Variants in MRTFB observed in about 807,000 individuals in gnomAD.
MRTFB encodes the protein myocardin-related transcription factor B.
A neutral mutation model predicts 104.2 loss-of-function variants in MRTFB; 29 were observed. The observed-to-expected ratio is 0.28, with a 90% confidence interval of 0.21 to 0.38. MRTFB has a LOEUF of 0.38. MRTFB is among the 10% of genes least tolerant of loss of function. The probability of loss-of-function intolerance (pLI) is 1.00; values close to 1 mark genes in which losing one functional copy is unlikely to be tolerated. For missense variants in MRTFB, 1,270 were observed against 1,341.6 expected, an observed-to-expected ratio of 0.95 and a Z score of 0.83; for synonymous variants, 535 against 519.5, an observed-to-expected ratio of 1.03 and a Z score of -0.41.
At chr16:14,221,726 C>T (rs1215092377) in intron 8 of MRTFB, among the ~76,000 whole-genome samples, 2 of 150,970 alleles carry the variant, frequency 1.3e-5, no homozygotes, top group Non-Finnish European at 2.9e-5. Context: ...TTGACCAGTC[C>T]TCGAATTGGC....
chr16:14,216,470 G>A (rs2041430832), intron 6 of MRTFB, among the ~76,000 whole-genome samples: 1 of 152,128 alleles, frequency 6.6e-6, no homozygotes, highest in Non-Finnish European at 1.5e-5. Flanking sequence ...GGTATTTATA[G>A]TTTTACATTG....
At chr16:14,059,299 T>A in the MRTFB span, among the ~76,000 whole-genome samples, 22 of 152,094 alleles carry the variant, frequency 1.4e-4, no homozygotes, top group African/African-American at 5.1e-4. Context: ...CACCATACAG[T>A]ACTACAGAAG....
At chr16:14,022,570 T>C in the MRTFB span, among the ~76,000 whole-genome samples, 1 of 152,048 alleles carries the variant, frequency 6.6e-6, no homozygotes, top group Non-Finnish European at 1.5e-5. Flanking sequence ...CTAATTTTTG[T>C]ATTTTTAGTA....
chr16:14,118,142 C>CTT (rs200411394), intron 2 of MRTFB, among the ~76,000 whole-genome samples: 65 of 109,722 alleles, frequency 5.9e-4, no homozygotes, highest in African/African-American at 1.7e-3. Flanking sequence ...TTTTCTTTTT[C>CTT]TTTTTTTTTT....
At chr16:14,194,068 C>G (rs117745148) in intron 3 of MRTFB, among the ~76,000 whole-genome samples, 1 of 152,278 alleles carries the variant, frequency 6.6e-6, no homozygotes, top group Non-Finnish European at 1.5e-5. Flanking sequence ...AGTATAGATA[C>G]GTTTGAAACA....
chr16:14,160,236 AT>A (rs60561825), intron 3 of MRTFB, among the ~76,000 whole-genome samples: 23 of 151,908 alleles, frequency 1.5e-4, no homozygotes, highest in African/African-American at 4.6e-4. Flanking sequence ...ACCTTTAAAA[AT>A]TTTTTTTCAT....
At chr16:14,060,897 A>G in the MRTFB span, among the ~76,000 whole-genome samples, 1 of 152,116 alleles carries the variant, frequency 6.6e-6, no homozygotes, top group Non-Finnish European at 1.5e-5. Context: ...CTGTAATCCC[A>G]GCACTTTGGG....
In MRTFB at chr16:14,212,560, T is replaced by A. The variant is rs756701796; in HGVS notation, c.276+151T>A. On this transcript the variant is annotated intron_variant, in intron 5 of 16. Transcript: ENST00000571589. Reference sequence around the variant, plus strand: ...GATACATGGCATAGAGAATATTTACTCTGGGATAGTTTGATCTGGAGGTTT... The same window carrying A: ...GATACATGGCATAGAGAATATTTACACTGGGATAGTTTGATCTGGAGGTTT... 19 of 726,908 alleles carry A rather than the reference T, an allele frequency of 2.6e-5. No homozygotes were observed. The East Asian group carries it at 5.2e-4, about 20-fold the overall frequency. The allele number at this position is 726,908 out of a possible 1,614,324, so 45.0% of individuals were successfully genotyped here.
intron 3 of MRTFB, chr16:14,142,841 A>C (rs1400932343): frequency 1.3e-5 from 2 of 152,220 alleles, no homozygotes; most frequent in African/African-American, 2.4e-5. Flanking sequence ...TAAGGTGGCA[A>C]GCCCAAATAT....
At position 14,261,582 on chromosome 16, in the gene MRTFB, T is replaced by C. The variant is rs1317471224; in HGVS notation, c.*138T>C. 1.1e-6 allele frequency: 1 copy of C among 891,362 alleles called. No homozygotes were observed. The highest frequency in any genetic ancestry group is 2.6e-5 in the East Asian group (1 of 38,426). 55.2% of individuals were successfully genotyped at this position (891,362 alleles called of 1,614,324 possible). On this transcript the variant is annotated 3_prime_UTR_variant, in exon 17 of 17. Coordinates refer to ENST00000571589, the MANE Select transcript of MRTFB (RefSeq NM_001308142.2). ...CACAGAAAGAATAGGTGGAAGGTCA[T>C]AGCCTGGAACCCAAGTTTGAAAACA...
chr16:14,189,161 T>C (rs990990866), intron 3 of MRTFB, among the ~76,000 whole-genome samples: 1 of 152,198 alleles, frequency 6.6e-6, no homozygotes, highest in Non-Finnish European at 1.5e-5. Flanking sequence ...TTGAAAGGAT[T>C]AGATCTGGAT....
At chr16:14,231,274 A>G (rs2042251328) in intron 8 of MRTFB, among the ~76,000 whole-genome samples, 1 of 150,292 alleles carries the variant, frequency 6.7e-6, no homozygotes, top group Non-Finnish European at 1.5e-5. Flanking sequence ...CCTAAAACTT[A>G]AAGTATAATA....
the MRTFB span, among the ~76,000 whole-genome samples, chr16:14,008,809 A>G: frequency 1.5e-3 from 233 of 152,316 alleles, 1 homozygote; most frequent in African/African-American, 5.4e-3. Flanking sequence ...ATCTATAAAC[A>G]TGGGATGTCT....
the MRTFB span, among the ~76,000 whole-genome samples, chr16:14,062,417 T>G: frequency 6.6e-6 from 1 of 152,206 alleles, no homozygotes. Context: ...TTTTGGCATC[T>G]GTGCCATGCA....
the MRTFB span, among the ~76,000 whole-genome samples, chr16:14,044,907 T>C: frequency 6.6e-6 from 1 of 152,092 alleles, no homozygotes; most frequent in Non-Finnish European, 1.5e-5. Context: ...AGTTGCTGGG[T>C]CTACAACTGG....
intron 3 of MRTFB, among the ~76,000 whole-genome samples, chr16:14,165,656 C>G (rs955010817): frequency 6.6e-6 from 1 of 152,174 alleles, no homozygotes; most frequent in Admixed American, 6.5e-5. Flanking sequence ...TCCCCTTTCC[C>G]CATCTCATCC....
rs2041228152 is a variant in MRTFB at position 14,212,341 on chromosome 16, T to C, written c.221-13T>C. On this transcript the variant is annotated splice_polypyrimidine_tract_variant and intron_variant, in intron 4 of 16. Coordinates refer to ENST00000571589, the MANE Select transcript of MRTFB (RefSeq NM_001308142.2). ...CTCTATTTATACTGTGGAAACCATT[T>C]CTTTTCTCACAGCTTTGAAGAGCCC... 3.7e-6 allele frequency: 6 copies of C among 1,613,764 alleles called. No homozygotes were observed. The highest frequency in any genetic ancestry group is 1.7e-4 in the Middle Eastern group (1 of 6,056).
chr16:14,089,460 A>G (rs1026147526), intron 2 of MRTFB, among the ~76,000 whole-genome samples: 3 of 152,148 alleles, frequency 2.0e-5, no homozygotes, highest in African/African-American at 7.2e-5. Context: ...TCAGAACTTC[A>G]TTCCTTTTTA....
At chr16:14,124,406 A>G (rs186000759) in intron 2 of MRTFB, among the ~76,000 whole-genome samples, 215 of 152,308 alleles carry the variant, frequency 1.4e-3, no homozygotes, top group Admixed American at 3.6e-3. Flanking sequence ...TGGATTTGTC[A>G]TAAGTAGCTC....
Sources: allele counts gnomAD v4.1 joint callset (sites outside exome capture counted in the v4.1 genomes callset), GRCh38; gene constraint gnomAD v4.1.1; transcripts MANE v1.5; gene names NCBI Gene and HGNC (gene_info 2026-07-23, HGNC 2026-07-21).